Variants in TBC1D22A observed in about 807,000 individuals in gnomAD.
TBC1D22A encodes the protein TBC1 domain family member 22A, also known as putative GTPase activator.
TBC1D22A carries 38 observed loss-of-function variants against 60.2 expected under a neutral mutation model. The observed-to-expected ratio is 0.63, with a 90% confidence interval of 0.49 to 0.83. The LOEUF (loss-of-function observed/expected upper bound fraction) is 0.83. Ranked by LOEUF, TBC1D22A falls within the 40% of genes least tolerant of loss-of-function variation. TBC1D22A has a pLI of 0.00. For missense variants in TBC1D22A, 628 were observed against 701.0 expected (o/e 0.90, Z 1.18); for synonymous variants, 302 against 281.7 (o/e 1.07, Z -0.72).
chr22:47,003,091 G>A (rs796158866), intron 10 of TBC1D22A, among the ~76,000 whole-genome samples: 3 of 152,198 alleles, frequency 2.0e-5, no homozygotes, highest in East Asian at 1.9e-4. Context: ...GGCTAGGGGC[G>A]CCAAACTGAG....
intron 9 of TBC1D22A, among the ~76,000 whole-genome samples, chr22:46,979,100 C>T (rs973597068): frequency 6.6e-6 from 1 of 152,082 alleles, no homozygotes; most frequent in African/African-American, 2.4e-5. Flanking sequence ...ATCTTTTACC[C>T]ATATATTGGC....
chr22:46,870,059 G>C (rs998083316), intron 4 of TBC1D22A, among the ~76,000 whole-genome samples: 1 of 152,192 alleles, frequency 6.6e-6, no homozygotes, highest in Non-Finnish European at 1.5e-5. Flanking sequence ...TCTTGGATTT[G>C]TACATTATGT....
chr22:47,061,632 A>G (rs577857522), intron 11 of TBC1D22A, among the ~76,000 whole-genome samples: 14 of 152,140 alleles, frequency 9.2e-5, no homozygotes, highest in African/African-American at 3.4e-4. Context: ...GCTCCAGCAT[A>G]TGCCCCTTTT....
intron 12 of TBC1D22A, among the ~76,000 whole-genome samples, chr22:47,118,855 A>C (rs898472118): frequency 3.3e-5 from 5 of 152,146 alleles, no homozygotes; most frequent in Admixed American, 6.5e-5. Flanking sequence ...ATAAGCTTTA[A>C]AAAAAGCCCA....
rs1389369303 is a variant in TBC1D22A, at chr22:46,792,577, G to A, written c.119+1G>A. The A allele has an allele frequency of 7.4e-6, 12 of 1,614,092 alleles. No homozygotes were observed. The highest frequency in any genetic ancestry group is 5.3e-5 in the African/African-American group (4 of 74,932). On this transcript the variant is annotated splice_donor_variant, in intron 2 of 12. Transcript: ENST00000337137. LOFTEE classifies it high-confidence loss of function. ...CCTTTGATCCACTGTTACATGGCAC[G>A]TAAGTGACGTTCCAACCTCACTTGG...
At chr22:47,006,175 G>A (rs866214420) in intron 10 of TBC1D22A, among the ~76,000 whole-genome samples, 29 of 152,130 alleles carry the variant, frequency 1.9e-4, no homozygotes, top group African/African-American at 7.0e-4. Context: ...CATTTCCGTC[G>A]CTTGATGTGT....
At chr22:47,169,775 G>T (rs1219018547) in intron 12 of TBC1D22A, among the ~76,000 whole-genome samples, 1 of 152,246 alleles carries the variant, frequency 6.6e-6, no homozygotes, top group East Asian at 1.9e-4. Context: ...GTGATGAGCA[G>T]AGCCTTCCTT....
intron 8 of TBC1D22A, among the ~76,000 whole-genome samples, chr22:46,917,571 G>T (rs2070456077): frequency 6.6e-6 from 1 of 152,212 alleles, no homozygotes; most frequent in Non-Finnish European, 1.5e-5. Context: ...GGGTTGAGGA[G>T]GCGGGATGGG....
rs184967820 is a variant in TBC1D22A at position 46,979,873 on chromosome 22, C to A, written c.1125+5474C>A. On this transcript the variant is annotated intron_variant, in intron 9 of 12. Coordinates refer to ENST00000337137, the MANE Select transcript of TBC1D22A (RefSeq NM_014346.5). ...AGACCCCTTGAAAGGTCTAGGGACC[C>A]CCAGGAGTTGGCTGGCTACCGTCTG... Among the ~76,000 whole-genome samples the A allele has an allele frequency of 3.6e-4, 55 of 152,186 alleles. No homozygotes were observed. In the South Asian group the frequency reaches 4.4e-3, roughly 12 times the overall value.
intron 8 of TBC1D22A, among the ~76,000 whole-genome samples, chr22:46,943,962 A>G (rs1353040735): frequency 6.6e-6 from 1 of 152,164 alleles, no homozygotes; most frequent in African/African-American, 2.4e-5. Context: ...ATGGATGGAC[A>G]TTTGGGTTGT....
intron 11 of TBC1D22A, among the ~76,000 whole-genome samples, chr22:47,101,245 C>T (rs550177145): frequency 6.6e-6 from 1 of 152,356 alleles, no homozygotes; most frequent in Non-Finnish European, 1.5e-5. Flanking sequence ...CTGACTCGCT[C>T]GTTAAATGAC....
chr22:47,023,156 C>T (rs1466836231), intron 10 of TBC1D22A, among the ~76,000 whole-genome samples: 1 of 152,044 alleles, frequency 6.6e-6, no homozygotes, highest in African/African-American at 2.4e-5. Context: ...TAGATAAAGA[C>T]ATGGAAGTAG....
At chr22:46,788,273 T>C (rs926130223) in intron 1 of TBC1D22A, among the ~76,000 whole-genome samples, 1 of 152,210 alleles carries the variant, frequency 6.6e-6, no homozygotes, top group Non-Finnish European at 1.5e-5. Flanking sequence ...TCCCTCAGTT[T>C]TTCCACCTTT....
chr22:46,781,336 TG>T (rs763908131), intron 1 of TBC1D22A, among the ~76,000 whole-genome samples: 10 of 151,976 alleles, frequency 6.6e-5, no homozygotes, highest in African/African-American at 9.7e-5. Context: ...CCACCATGCC[TG>T]GTTAATTTTT....
intron 4 of TBC1D22A, among the ~76,000 whole-genome samples, chr22:46,864,174 G>A (rs558699844): frequency 6.6e-6 from 1 of 152,298 alleles, no homozygotes; most frequent in South Asian, 2.1e-4. Flanking sequence ...AGAAGAAGAA[G>A]TTAAAGCTAG....
chr22:46,830,908 G>A (rs1483102569), intron 4 of TBC1D22A, among the ~76,000 whole-genome samples: 2 of 152,062 alleles, frequency 1.3e-5, no homozygotes, highest in African/African-American at 2.4e-5. Context: ...GGATGCTGAA[G>A]AAAGAAAAGC....
intron 12 of TBC1D22A, among the ~76,000 whole-genome samples, chr22:47,112,192 C>T (rs1316083768): frequency 6.6e-6 from 1 of 152,236 alleles, no homozygotes; most frequent in Non-Finnish European, 1.5e-5. Flanking sequence ...ACCCACCCCA[C>T]GTGTTCCTCT....
intron 10 of TBC1D22A, among the ~76,000 whole-genome samples, chr22:47,013,057 G>A (rs768312525): frequency 1.3e-5 from 2 of 152,198 alleles, no homozygotes; most frequent in Non-Finnish European, 2.9e-5. Flanking sequence ...CCAGCCTCCC[G>A]CCCCGTGCGC....
chr22:46,792,683 G>A, intron 2 of TBC1D22A, 107 bp downstream of exon 2: 4 of 1,606,326 alleles, frequency 2.5e-6, no homozygotes, highest in Non-Finnish European at 3.4e-6. Flanking sequence ...CCTCAGGGAG[G>A]AGACTGGTTT....
Sources: gnomAD v4.1 joint callset for allele counts (sites outside exome capture counted in the v4.1 genomes callset) on GRCh38, gnomAD v4.1.1 for gene constraint, MANE v1.5 for transcripts, NCBI Gene and HGNC (gene_info 2026-07-23, HGNC 2026-07-21) for gene names.